The following PSME4 variants were observed in gnomAD, a reference collection of about 807,000 sequenced individuals.
PSME4 encodes proteasome activator subunit 4.
In PSME4, 89 loss-of-function variants were observed where a neutral mutation model predicts 253.9. The ratio of observed to expected loss-of-function variants is 0.35; its 90% confidence interval spans 0.30 to 0.42. The LOEUF (loss-of-function observed/expected upper bound fraction) is 0.42, where lower values mean the gene tolerates loss of function less well. Among genes scored for constraint, PSME4 ranks in the 10% least tolerant of loss-of-function variants. The pLI, the probability that PSME4 is intolerant of heterozygous loss-of-function variation, is 1.00. For synonymous variants in PSME4, 851 were observed against 759.2 expected (o/e 1.12, Z -1.99); for missense variants, 2,014 against 2,195.2 (o/e 0.92, Z 1.65).
At chr2:53,927,709 G>A (rs1668625249) in intron 11 of PSME4, among the ~76,000 whole-genome samples, 1 of 152,188 alleles carries the variant, frequency 6.6e-6, no homozygotes, top group Non-Finnish European at 1.5e-5. Context: ...CACTTTGGGA[G>A]GCTGAGGCGG....
chr2:53,872,081 A>C (rs1316024584), intron 43 of PSME4, among the ~76,000 whole-genome samples: 2 of 152,100 alleles, frequency 1.3e-5, no homozygotes, highest in Non-Finnish European at 2.9e-5. Flanking sequence ...GAGATGTTTT[A>C]ATTTATTTTT....
At chr2:53,878,691 C>T (rs1054128026) in intron 41 of PSME4, among the ~76,000 whole-genome samples, 3 of 152,174 alleles carry the variant, frequency 2.0e-5, no homozygotes, top group Admixed American at 6.5e-5. Context: ...CCCGGTCTCC[C>T]GTAGTGCTCC....
At chr2:53,934,237 A>C (rs981834505) in intron 8 of PSME4, among the ~76,000 whole-genome samples, 2 of 152,168 alleles carry the variant, frequency 1.3e-5, no homozygotes, top group African/African-American at 4.8e-5. Context: ...GCAATGTTTT[A>C]TGTGAATATT....
chr2:53,895,810 A>C, intron 32 of PSME4, 74 bp from the exon 33 acceptor site: 1 of 1,347,394 alleles, frequency 7.4e-7, no homozygotes, highest in Non-Finnish European at 1.0e-6. Context: ...TTCAATCAAC[A>C]GTACCAGCAT....
At chr2:53,934,394 C>G (rs1483876554) in intron 8 of PSME4, among the ~76,000 whole-genome samples, 1 of 152,122 alleles carries the variant, frequency 6.6e-6, no homozygotes, top group Non-Finnish European at 1.5e-5. Context: ...ATTTTTGACT[C>G]TATTTATAAT....
intron 45 of PSME4, among the ~76,000 whole-genome samples, chr2:53,866,498 G>T (rs1678572076): frequency 6.6e-6 from 1 of 152,146 alleles, no homozygotes; most frequent in Admixed American, 6.5e-5. Flanking sequence ...AATATTGACA[G>T]TACTTTACTT....
chr2:53,869,095 T>A (rs1330936119), intron 44 of PSME4, among the ~76,000 whole-genome samples: 1 of 152,188 alleles, frequency 6.6e-6, no homozygotes, highest in Non-Finnish European at 1.5e-5. Flanking sequence ...ATTCTGAATA[T>A]CTCTTTTTTA....
chr2:53,949,883 A>C (rs915907787), intron 1 of PSME4, among the ~76,000 whole-genome samples: 1 of 152,230 alleles, frequency 6.6e-6, no homozygotes, highest in Non-Finnish European at 1.5e-5. Context: ...ACAATTTTTA[A>C]AAATAGGTGT....
chr2:53,893,452 T>G (rs565640642), intron 35 of PSME4, among the ~76,000 whole-genome samples: 1 of 152,184 alleles, frequency 6.6e-6, no homozygotes, highest in Non-Finnish European at 1.5e-5. Flanking sequence ...CCTAATACAA[T>G]GCTTACTAAT....
chr2:53,934,753 G>C lies in PSME4; in HGVS notation c.835-26C>G, dbSNP rs766221318. Reference sequence around the variant, plus strand: ...CTTTTAAAAGAAAAAAATAAGTAAGGATATTTACAGGTATCAAAATAATTC... The same window carrying C: ...CTTTTAAAAGAAAAAAATAAGTAAGCATATTTACAGGTATCAAAATAATTC... On this transcript the variant is annotated intron_variant, in intron 7 of 46. Transcript: ENST00000404125. The C allele has an allele frequency of 3.3e-6, 5 of 1,502,010 alleles. No homozygotes were observed. In the East Asian group the frequency reaches 1.2e-4, roughly 35 times the overall value. The allele number at this position is 1,502,010 out of a possible 1,614,324, so 93.0% of individuals were successfully genotyped here. A position where few individuals can be genotyped will look rare whatever the true frequency, so the allele number is the denominator to read the frequency against.
chr2:53,922,876 T>G (rs1181137316), intron 16 of PSME4, among the ~76,000 whole-genome samples, 173 bp downstream of exon 16: 7 of 152,240 alleles, frequency 4.6e-5, no homozygotes, highest in Non-Finnish European at 1.0e-4. Flanking sequence ...TAAAGTAACA[T>G]TTTTAAGCTA....
chr2:53,879,168 G>A (rs1342341956), intron 41 of PSME4, among the ~76,000 whole-genome samples: 1 of 149,414 alleles, frequency 6.7e-6, no homozygotes, highest in Non-Finnish European at 1.5e-5. Flanking sequence ...GGCAATGTAT[G>A]TCTACCCTCC....
chr2:53,903,890 G>A (rs904077536), intron 27 of PSME4, 135 bp downstream of exon 27: 19 of 698,206 alleles, frequency 2.7e-5, no homozygotes, highest in South Asian at 9.9e-5. Flanking sequence ...ACAGATATGC[G>A]ATAAAGCAAA....
At chr2:53,912,264 T>C (rs897427377) in intron 20 of PSME4, among the ~76,000 whole-genome samples, 3 of 152,176 alleles carry the variant, frequency 2.0e-5, no homozygotes, top group Non-Finnish European at 4.4e-5. Context: ...CACTTGAGTA[T>C]GAATGTATTT....
chr2:53,967,224 A>G lies in PSME4; in HGVS notation c.242+3319T>C, dbSNP rs543675640. Among the ~76,000 whole-genome samples, 8 of 152,320 alleles carry G rather than the reference A, an allele frequency of 5.3e-5. No homozygotes were observed. In the South Asian group the frequency reaches 1.7e-3, roughly 32 times the overall value. On this transcript the variant is annotated intron_variant, in intron 1 of 46. Transcript: ENST00000404125. ...CCTCTCTTGACCAGACAGTTCTAGT[A>G]CTTTAAATTGTCTGTACAGGAAAGC...
intron 3 of PSME4, 97 bp downstream of exon 3, chr2:53,948,324 T>C: frequency 1.3e-6 from 1 of 771,088 alleles, no homozygotes. Context: ...AAATATCTGC[T>C]TGTTTCTTTC....
chr2:53,904,016 A>C lies in PSME4; in HGVS notation c.3075+9T>G. Reference sequence around the variant, plus strand: ...ATGTTTACAGTAAAATAGGAAAAAAACCCTATACCTTGAATTGTTGCTGTG... The same window carrying C: ...ATGTTTACAGTAAAATAGGAAAAAACCCCTATACCTTGAATTGTTGCTGTG... On this transcript the variant is annotated intron_variant, in intron 27 of 46. Coordinates refer to ENST00000404125, the MANE Select transcript of PSME4 (RefSeq NM_014614.3). 1 of 1,593,344 alleles carries C rather than the reference A, an allele frequency of 6.3e-7. No homozygotes were observed. The highest frequency in any genetic ancestry group is 1.7e-4 in the Middle Eastern group (1 of 5,950).
intron 41 of PSME4, among the ~76,000 whole-genome samples, chr2:53,879,095 G>A (rs568162660): frequency 7.9e-5 from 12 of 152,046 alleles, no homozygotes; most frequent in African/African-American, 1.9e-4. Flanking sequence ...CAGACCGGCC[G>A]ACACTTAGGG....
At chr2:53,927,518 T>C (rs765024409) in intron 11 of PSME4, 35 bp from the exon 12 acceptor site, 2 of 1,369,184 alleles carry the variant, frequency 1.5e-6, no homozygotes, top group South Asian at 2.4e-5. Flanking sequence ...CAACATTACA[T>C]AATTCTAATT....
Sources: gnomAD v4.1 joint callset for allele counts (sites outside exome capture counted in the v4.1 genomes callset) on GRCh38, gnomAD v4.1.1 for gene constraint, MANE v1.5 for transcripts, NCBI Gene and HGNC (gene_info 2026-07-23, HGNC 2026-07-21) for gene names.